Variants in ARSB observed in about 807,000 individuals in gnomAD.
ARSB encodes the protein arylsulfatase B, also known as N-acetylgalactosamine-4-sulfatase.
ARSB carries 41 observed loss-of-function variants against 50.9 expected under a neutral mutation model. That is an observed-to-expected ratio of 0.81 (90% CI 0.63 to 1.04). ARSB has a LOEUF of 1.04. Among genes scored for constraint, ARSB ranks in the 50% least tolerant of loss-of-function variants. The pLI is 0.00. For missense variants in ARSB, 672 were observed against 693.3 expected (o/e 0.97, Z 0.35); for synonymous variants, 269 against 284.8 (o/e 0.94, Z 0.56).
At position 78,852,744 on chromosome 5, in the gene ARSB, C is replaced by T. The variant is rs1315363315; in HGVS notation, c.1143-13318G>A. Reference sequence around the variant, plus strand: ...CACATAGTCCCATATTTCTTGGAGGCTTTGTTCGTTTCTTTTTATTCTTTT... The same window carrying T: ...CACATAGTCCCATATTTCTTGGAGGTTTTGTTCGTTTCTTTTTATTCTTTT... On this transcript the variant is annotated intron_variant, in intron 5 of 7. Transcript: ENST00000264914. Among the ~76,000 whole-genome samples the T allele has an allele frequency of 2.0e-5, 3 of 152,166 alleles. No individual in the cohort carries two copies. In the East Asian group the frequency reaches 5.8e-4, roughly 29 times the overall value.
chr5:78,814,839 G>T (rs1743932908), intron 6 of ARSB, among the ~76,000 whole-genome samples: 1 of 150,696 alleles, frequency 6.6e-6, no homozygotes, highest in Admixed American at 6.6e-5. Flanking sequence ...AGATCCTGAA[G>T]CTGCATGAAG....
chr5:78,893,716 G>T (rs981128435), intron 4 of ARSB, among the ~76,000 whole-genome samples: 14 of 152,158 alleles, frequency 9.2e-5, no homozygotes, highest in African/African-American at 3.4e-4. Flanking sequence ...AAGTTGTAAG[G>T]TAAGCACAAA....
chr5:78,866,839 T>G (rs2112125762), intron 5 of ARSB, among the ~76,000 whole-genome samples: 1 of 152,282 alleles, frequency 6.6e-6, no homozygotes, highest in South Asian at 2.1e-4. Flanking sequence ...TAGGGACAGT[T>G]CCGGTCTACG....
chr5:78,848,527 G>A (rs893637384), intron 5 of ARSB, among the ~76,000 whole-genome samples: 9 of 151,268 alleles, frequency 5.9e-5, no homozygotes, highest in East Asian at 1.9e-4. Flanking sequence ...ATAAACATAC[G>A]TGTGCATGTG....
chr5:78,883,036 A>G (rs337831), intron 5 of ARSB: 133,638 of 152,046 alleles, frequency 0.88, 60,894 homozygotes, highest in East Asian at 1. Flanking sequence ...CACCCACCTC[A>G]GTCTCCCAAA....
chr5:78,894,183 AG>A (rs1427591117), intron 4 of ARSB, among the ~76,000 whole-genome samples: 1 of 152,260 alleles, frequency 6.6e-6, no homozygotes, highest in Non-Finnish European at 1.5e-5. Context: ...ATCAACACAC[AG>A]GAACAAACAG....
chr5:78,929,559 G>A (rs1750217700), intron 4 of ARSB, among the ~76,000 whole-genome samples: 1 of 152,102 alleles, frequency 6.6e-6, no homozygotes, highest in African/African-American at 2.4e-5. Context: ...GGGAGGCCGA[G>A]ACAGGTGGTT....
intron 5 of ARSB, among the ~76,000 whole-genome samples, chr5:78,879,145 C>T (rs1346102905): frequency 6.6e-6 from 1 of 152,188 alleles, no homozygotes; most frequent in East Asian, 1.9e-4. Context: ...TGAGCCACCA[C>T]GCCTAGTCTG....
upstream of ARSB, chr5:78,985,582 TA>T (rs1056424307): frequency 5.3e-6 from 1 of 187,130 alleles, no homozygotes; most frequent in Non-Finnish European, 1.1e-5. Context: ...ATGTGTTCTT[TA>T]ATAACGCTTC....
chr5:78,865,383 G>A (rs1037528745), intron 5 of ARSB, among the ~76,000 whole-genome samples: 1 of 152,178 alleles, frequency 6.6e-6, no homozygotes, highest in Non-Finnish European at 1.5e-5. Flanking sequence ...GGCCATGGCT[G>A]GAGTGGCTGG....
intron 4 of ARSB, among the ~76,000 whole-genome samples, chr5:78,941,828 T>A (rs970515836): frequency 4.1e-4 from 62 of 152,220 alleles, no homozygotes; most frequent in Non-Finnish European, 7.2e-4. Context: ...CCTCTTTTTC[T>A]ATTGATTGGA....
At chr5:78,817,081 T>G in intron 6 of ARSB, 1 of 985,418 alleles carries the variant, frequency 1.0e-6, no homozygotes, top group Non-Finnish European at 1.2e-6. Context: ...CTCTGGGCCC[T>G]TCTGTAGCAG....
chr5:78,874,705 T>A (rs11748603), intron 5 of ARSB, among the ~76,000 whole-genome samples: 19,212 of 152,162 alleles, frequency 0.13, 1,419 homozygotes, highest in Middle Eastern at 0.21. Context: ...ACAGACTGGA[T>A]CATAAAGAAA....
At chr5:78,956,245 T>C (rs1438714308) in intron 3 of ARSB, among the ~76,000 whole-genome samples, 2 of 152,204 alleles carry the variant, frequency 1.3e-5, no homozygotes, top group Non-Finnish European at 2.9e-5. Context: ...AACATTATAC[T>C]AAGTGAAATC....
At chr5:78,851,864 C>G (rs1342322837) in intron 5 of ARSB, among the ~76,000 whole-genome samples, 1 of 152,020 alleles carries the variant, frequency 6.6e-6, no homozygotes, top group African/African-American at 2.4e-5. Flanking sequence ...TCTGTTTTAT[C>G]AGAGACTAGG....
At chr5:78,870,949 T>G (rs1050023967) in intron 5 of ARSB, among the ~76,000 whole-genome samples, 4 of 152,122 alleles carry the variant, frequency 2.6e-5, no homozygotes, top group Admixed American at 2.0e-4. Context: ...CTTAAGCTGA[T>G]AAGCAACTTC....
intron 6 of ARSB, among the ~76,000 whole-genome samples, chr5:78,838,901 G>T (rs1581023763): frequency 2.0e-5 from 3 of 152,320 alleles, no homozygotes; most frequent in Admixed American, 1.3e-4. Context: ...AGCAGGTGTT[G>T]GGCAGTACCT....
chr5:78,883,963 G>A (rs749303350), intron 5 of ARSB: 10 of 152,094 alleles, frequency 6.6e-5, no homozygotes, highest in Non-Finnish European at 1.5e-4. Flanking sequence ...TTTGCAACTG[G>A]AAATTGGTCA....
chr5:78,981,313 T>C (rs1450656947), intron 1 of ARSB, among the ~76,000 whole-genome samples: 2 of 152,140 alleles, frequency 1.3e-5, no homozygotes, highest in South Asian at 2.1e-4. Flanking sequence ...TCTCCTCCAT[T>C]GCCTCCAACC....
Sources: allele counts gnomAD v4.1 joint callset (sites outside exome capture counted in the v4.1 genomes callset), GRCh38; gene constraint gnomAD v4.1.1; transcripts MANE v1.5; gene names NCBI Gene and HGNC (gene_info 2026-07-23, HGNC 2026-07-21).